The following CACNA2D3 variants were observed in gnomAD, a reference collection of about 807,000 sequenced individuals.
CACNA2D3 encodes voltage-dependent calcium channel subunit alpha-2/delta-3.
A neutral mutation model predicts 160.6 loss-of-function variants in CACNA2D3; 60 were observed. The observed-to-expected ratio is 0.37, with a 90% CI of 0.30 to 0.46. CACNA2D3 has a LOEUF of 0.46. Ranked by LOEUF, CACNA2D3 falls within the 20% of genes least tolerant of loss-of-function variation. The probability of loss-of-function intolerance (pLI) is 1.00; values close to 1 mark genes in which losing one functional copy is unlikely to be tolerated. For missense variants in CACNA2D3, 1,205 were observed against 1,365.0 expected (o/e 0.88, Z 1.85); for synonymous variants, 558 against 492.9 (o/e 1.13, Z -1.75).
chr3:54,523,085 A>T (rs1365710534), intron 5 of CACNA2D3, among the ~76,000 whole-genome samples: 4 of 152,066 alleles, frequency 2.6e-5, no homozygotes, highest in Admixed American at 6.6e-5. Flanking sequence ...TGTTTCTAGT[A>T]AAAGTGTTAA....
In CACNA2D3 at chr3:54,770,315, CA is replaced by C. The variant is rs1232369772; in HGVS notation, c.1380+5965del. Among the ~76,000 whole-genome samples the C allele has an allele frequency of 2.0e-5, 3 of 152,158 alleles. No homozygotes were observed. The East Asian group carries it at 5.8e-4, about 29-fold the overall frequency. On this transcript the variant is annotated intron_variant, in intron 13 of 37. Coordinates refer to ENST00000474759, the MANE Select transcript of CACNA2D3 (RefSeq NM_018398.3). The stretch of plus-strand genomic sequence containing the variant: ...GTTGCATTCCTACACATGATGTTAA[CA>C]TCATTCTCAAACAGTTGTTGGCCAA...
At chr3:54,983,124 A>G (rs1210875159) in intron 29 of CACNA2D3, among the ~76,000 whole-genome samples, 1 of 152,188 alleles carries the variant, frequency 6.6e-6, no homozygotes, top group Non-Finnish European at 1.5e-5. Context: ...GTTGTCTGTT[A>G]TGACCCAATG....
intron 35 of CACNA2D3, among the ~76,000 whole-genome samples, chr3:55,034,360 T>G (rs1419642841): frequency 1.3e-5 from 2 of 152,060 alleles, no homozygotes; most frequent in Middle Eastern, 3.2e-3. Context: ...TGCCGTCTAA[T>G]TATGTCCTTA....
intron 2 of CACNA2D3, among the ~76,000 whole-genome samples, chr3:54,300,864 T>A (rs773075600): frequency 6.6e-6 from 1 of 151,812 alleles, no homozygotes; most frequent in Non-Finnish European, 1.5e-5. Context: ...AAAATTTGTT[T>A]TAAAAAATTA....
chr3:54,435,203 C>A lies in CACNA2D3; in HGVS notation c.381+48429C>A, dbSNP rs144245250. 3.3e-5 allele frequency among the ~76,000 whole-genome samples: 5 copies of A among 152,242 alleles called. No individual in the cohort carries two copies. In the East Asian group the frequency reaches 9.7e-4, roughly 29 times the overall value. On this transcript the variant is annotated intron_variant, in intron 4 of 37. Coordinates refer to ENST00000474759, the MANE Select transcript of CACNA2D3 (RefSeq NM_018398.3). ...TAGTGGGAAACAACCAGTCAGCACT[C>A]CACTCCCCTGCCCTTTGGGGTCAGT... is the stretch of plus-strand genomic sequence containing the variant.
chr3:55,034,309 C>T (rs1703766608), intron 35 of CACNA2D3, among the ~76,000 whole-genome samples: 1 of 151,864 alleles, frequency 6.6e-6, no homozygotes, highest in African/African-American at 2.4e-5. Flanking sequence ...ATTTGAACAT[C>T]TGTCATATGT....
chr3:55,037,083 T>C (rs1380521222), intron 35 of CACNA2D3, among the ~76,000 whole-genome samples: 1 of 152,158 alleles, frequency 6.6e-6, no homozygotes, highest in Non-Finnish European at 1.5e-5. Flanking sequence ...CAATAGGACA[T>C]GACAGTAATT....
At chr3:54,176,130 T>C (rs1700673089) in intron 2 of CACNA2D3, among the ~76,000 whole-genome samples, 2 of 152,334 alleles carry the variant, frequency 1.3e-5, no homozygotes, top group Non-Finnish European at 2.9e-5. Flanking sequence ...AAGCACTGTA[T>C]TTTGGGGTGT....
At chr3:54,801,353 G>A (rs1409352429) in intron 13 of CACNA2D3, among the ~76,000 whole-genome samples, 1 of 152,094 alleles carries the variant, frequency 6.6e-6, no homozygotes, top group Non-Finnish European at 1.5e-5. Context: ...CAGAAAGAGA[G>A]AACCTTGCTC....
At chr3:54,124,320 A>G (rs1226891796) in intron 2 of CACNA2D3, among the ~76,000 whole-genome samples, 3 of 152,330 alleles carry the variant, frequency 2.0e-5, no homozygotes, top group Non-Finnish European at 2.9e-5. Flanking sequence ...TTAAAATTAC[A>G]TTGTGAGATA....
chr3:54,464,001 C>G (rs1384319199), intron 4 of CACNA2D3, among the ~76,000 whole-genome samples: 1 of 152,250 alleles, frequency 6.6e-6, no homozygotes, highest in Admixed American at 6.5e-5. Flanking sequence ...ACAGGACCCT[C>G]AGCTGCAGGT....
chr3:54,440,372 C>T (rs1700125147), intron 4 of CACNA2D3, among the ~76,000 whole-genome samples: 1 of 152,164 alleles, frequency 6.6e-6, no homozygotes, highest in African/African-American at 2.4e-5. Context: ...CTTCAAACTG[C>T]TTTTATTAGC....
chr3:54,605,297 A>T (rs1698579464), intron 9 of CACNA2D3, among the ~76,000 whole-genome samples: 1 of 152,184 alleles, frequency 6.6e-6, no homozygotes, highest in African/African-American at 2.4e-5. Flanking sequence ...GGGGGACACA[A>T]TTCAACCCAA....
intron 2 of CACNA2D3, among the ~76,000 whole-genome samples, chr3:54,125,877 A>G (rs1699581393): frequency 6.6e-6 from 1 of 152,222 alleles, no homozygotes; most frequent in African/African-American, 2.4e-5. Flanking sequence ...GTCCATTTGC[A>G]TGAGGAATTA....
rs553625798 is a variant in CACNA2D3, at chr3:54,254,665, A to G, written c.205-65777A>G. The stretch of plus-strand genomic sequence containing the variant: ...TGCTAAGACTAGCACATAGCATGCC[A>G]TAAGTGCTATATGAGAGTTAGTTGT... On this transcript the variant is annotated intron_variant, in intron 2 of 37. Coordinates refer to ENST00000474759, the MANE Select transcript of CACNA2D3 (RefSeq NM_018398.3). Among the ~76,000 whole-genome samples, 6 of 152,320 alleles carry G rather than the reference A, an allele frequency of 3.9e-5. No homozygotes were observed. In the South Asian group the frequency reaches 1.0e-3, roughly 26 times the overall value.
intron 27 of CACNA2D3, among the ~76,000 whole-genome samples, chr3:54,916,206 C>T (rs1321950361): frequency 6.6e-6 from 1 of 152,154 alleles, no homozygotes; most frequent in Non-Finnish European, 1.5e-5. Flanking sequence ...GTGTCTGGTA[C>T]ACGGTACACG....
chr3:54,301,380 C>G (rs1703474564), intron 2 of CACNA2D3, among the ~76,000 whole-genome samples: 1 of 151,932 alleles, frequency 6.6e-6, no homozygotes, highest in Non-Finnish European at 1.5e-5. Context: ...AGGCGGATCA[C>G]TTGAGCTGAG....
At chr3:54,368,445 GAGAA>G (rs1461081557) in intron 3 of CACNA2D3, among the ~76,000 whole-genome samples, 6 of 152,132 alleles carry the variant, frequency 3.9e-5, no homozygotes, top group East Asian at 1.9e-4. Flanking sequence ...TTCTGAGGGA[GAGAA>G]AGAAAGAGAA....
intron 2 of CACNA2D3, among the ~76,000 whole-genome samples, chr3:54,134,861 C>T (rs1168718370): frequency 2.0e-5 from 3 of 152,236 alleles, no homozygotes; most frequent in African/African-American, 4.8e-5. Context: ...GGGGTCCAGG[C>T]GCCTCTGCAG....
Sources: allele counts gnomAD v4.1 joint callset (sites outside exome capture counted in the v4.1 genomes callset), GRCh38; gene constraint gnomAD v4.1.1; transcripts MANE v1.5; gene names NCBI Gene and HGNC (gene_info 2026-07-23, HGNC 2026-07-21).